BMPR1B: variants seen among roughly 807,000 people sequenced by gnomAD.
BMPR1B encodes the protein bone morphogenetic protein receptor type-1B.
A neutral mutation model predicts 59.1 loss-of-function variants in BMPR1B; 12 were observed. The ratio of observed to expected loss-of-function variants is 0.20; its 90% CI spans 0.13 to 0.33. The LOEUF is 0.33. BMPR1B is among the 10% of genes least tolerant of loss of function. The probability of loss-of-function intolerance (pLI) is 1.00; values close to 1 mark genes in which losing one functional copy is unlikely to be tolerated. For synonymous variants in BMPR1B, 237 were observed against 207.3 expected, an observed-to-expected ratio of 1.14 and a Z score of -1.23; for missense variants, 550 against 610.9, an observed-to-expected ratio of 0.90 and a Z score of 1.05.
intron 2 of BMPR1B, among the ~76,000 whole-genome samples, chr4:94,944,139 G>C (rs1729618538): frequency 6.6e-6 from 1 of 151,896 alleles, no homozygotes; most frequent in Non-Finnish European, 1.5e-5. Flanking sequence ...GTTTAGACTT[G>C]GGTCCAACCC....
chr4:94,783,582 G>A (rs1444943798), intron 1 of BMPR1B, among the ~76,000 whole-genome samples: 2 of 152,202 alleles, frequency 1.3e-5, no homozygotes, highest in African/African-American at 2.4e-5. Flanking sequence ...TCTGGAGGGT[G>A]TAGTAGCCTG....
At chr4:95,111,662 A>T (rs1023461043) in intron 4 of BMPR1B, among the ~76,000 whole-genome samples, 5 of 152,078 alleles carry the variant, frequency 3.3e-5, no homozygotes, top group African/African-American at 4.8e-5. Context: ...GTTTTAAAAC[A>T]GGTAGACACC....
At chr4:94,871,965 A>G (rs576342919) in intron 1 of BMPR1B, among the ~76,000 whole-genome samples, 1 of 152,220 alleles carries the variant, frequency 6.6e-6, no homozygotes, top group Non-Finnish European at 1.5e-5. Flanking sequence ...ATTTACCTCA[A>G]TTTCTAAGGT....
chr4:94,808,812 T>A (rs959704597), intron 1 of BMPR1B, among the ~76,000 whole-genome samples: 3 of 152,212 alleles, frequency 2.0e-5, no homozygotes, highest in Non-Finnish European at 4.4e-5. Flanking sequence ...ATCCCAGCAC[T>A]TTGGGAGGCC....
At chr4:95,110,693 C>T (rs1445196176) in intron 4 of BMPR1B, among the ~76,000 whole-genome samples, 1 of 152,130 alleles carries the variant, frequency 6.6e-6, no homozygotes, top group Non-Finnish European at 1.5e-5. Flanking sequence ...TGATGTCTGT[C>T]CCTATTCCTG....
chr4:95,038,957 A>G (rs552394457), intron 3 of BMPR1B, among the ~76,000 whole-genome samples: 41 of 152,184 alleles, frequency 2.7e-4, no homozygotes, highest in Non-Finnish European at 5.3e-4. Context: ...AGGATAACTC[A>G]CTGCTTGACT....
At chr4:94,835,847 G>A (rs1298763586) in intron 1 of BMPR1B, among the ~76,000 whole-genome samples, 3 of 151,308 alleles carry the variant, frequency 2.0e-5, no homozygotes, top group Admixed American at 6.6e-5. Context: ...CCATGCTGGT[G>A]CGCTGCACCC....
intron 3 of BMPR1B, among the ~76,000 whole-genome samples, chr4:95,099,731 C>T (rs1203880270): frequency 6.6e-6 from 1 of 152,148 alleles, no homozygotes; most frequent in Non-Finnish European, 1.5e-5. Context: ...ACACCTATAC[C>T]TCTTTTCGTT....
chr4:95,091,065 T>C (rs1729942649), intron 3 of BMPR1B, among the ~76,000 whole-genome samples: 1 of 152,094 alleles, frequency 6.6e-6, no homozygotes. Context: ...ACTTAAGACA[T>C]TGCATATTGA....
intron 3 of BMPR1B, among the ~76,000 whole-genome samples, chr4:95,071,945 G>A (rs898242201): frequency 1.5e-4 from 23 of 152,122 alleles, no homozygotes; most frequent in African/African-American, 5.5e-4. Context: ...GTGTGCATGT[G>A]TGTAAAGAGA....
chr4:94,856,295 C>A lies in BMPR1B; in HGVS notation c.-182-19536C>A, dbSNP rs145548977. Among the ~76,000 whole-genome samples, 932 of 152,256 alleles carry A rather than the reference C, an allele frequency of 6.1e-3. 4 individuals carry two copies. The highest frequency in any genetic ancestry group is 9.3e-3 in the Admixed American group (143 of 15,298). On this transcript the variant is annotated intron_variant, in intron 1 of 12. Coordinates refer to ENST00000515059, the MANE Select transcript of BMPR1B (RefSeq NM_001203.3). ...CAGGGGTGCCGTTTTTCTGAGGATGCTGTAGCATTATCATCACTGATGCCG... is the reference window on the plus strand; with the variant it reads ...CAGGGGTGCCGTTTTTCTGAGGATGATGTAGCATTATCATCACTGATGCCG...
chr4:95,128,859 A>T (rs369993993), intron 8 of BMPR1B, among the ~76,000 whole-genome samples: 1 of 152,112 alleles, frequency 6.6e-6, no homozygotes, highest in Non-Finnish European at 1.5e-5. Context: ...GGTTAAATCT[A>T]CTTGGGTTGT....
At chr4:95,108,008 C>A (rs1560658921) in intron 4 of BMPR1B, among the ~76,000 whole-genome samples, 1 of 151,980 alleles carries the variant, frequency 6.6e-6, no homozygotes, top group African/African-American at 2.4e-5. Flanking sequence ...ACTTCTCAGG[C>A]TATCTCTAGT....
In BMPR1B at chr4:94,969,586, G is replaced by A. The variant is rs115896590; in HGVS notation, c.-112-26454G>A. Among the ~76,000 whole-genome samples, 536 of 152,322 alleles carry A rather than the reference G, an allele frequency of 3.5e-3. 2 individuals are homozygous for A. The highest frequency in any genetic ancestry group is 0.012 in the African/African-American group (510 of 41,576). ...TATTTTAAAAATATTTTAAGGATTT[G>A]AGGATTAAGAATTTATGTTGTTGGT... On this transcript the variant is annotated intron_variant, in intron 2 of 12. Transcript: ENST00000515059.
At chr4:94,839,287 A>G (rs1724948724) in intron 1 of BMPR1B, among the ~76,000 whole-genome samples, 1 of 136,252 alleles carries the variant, frequency 7.3e-6, no homozygotes, top group South Asian at 2.5e-4. Flanking sequence ...TGCTTGGTGC[A>G]GAGCTGAGTT....
chr4:95,065,260 G>A (rs4512000), intron 3 of BMPR1B, among the ~76,000 whole-genome samples: 102,449 of 151,952 alleles, frequency 0.67, 34,667 homozygotes, highest in South Asian at 0.73. Context: ...CATAGGTTGT[G>A]TTTTCTATTT....
intron 3 of BMPR1B, among the ~76,000 whole-genome samples, chr4:95,069,838 G>A (rs138479872): frequency 0.014 from 2,090 of 152,264 alleles, 48 homozygotes; most frequent in African/African-American, 0.047. Flanking sequence ...GATGGCTCAC[G>A]CCTGTAATCC....
At chr4:94,872,325 C>G (rs1726532557) in intron 1 of BMPR1B, among the ~76,000 whole-genome samples, 1 of 152,132 alleles carries the variant, frequency 6.6e-6, no homozygotes, top group South Asian at 2.1e-4. Flanking sequence ...GTTTTAAATA[C>G]CCTCTAAACA....
At chr4:94,935,642 A>G (rs183819911) in intron 2 of BMPR1B, among the ~76,000 whole-genome samples, 10 of 152,336 alleles carry the variant, frequency 6.6e-5, no homozygotes, top group Non-Finnish European at 1.5e-4. Flanking sequence ...TATTTAGGGC[A>G]TGGCTTTCAG....
Sources: allele counts gnomAD v4.1 joint callset (sites outside exome capture counted in the v4.1 genomes callset), GRCh38; gene constraint gnomAD v4.1.1; transcripts MANE v1.5; gene names NCBI Gene and HGNC (gene_info 2026-07-23, HGNC 2026-07-21).